CCDC178: variants seen among roughly 807,000 people sequenced by gnomAD.
CCDC178 encodes coiled-coil domain containing 178.
A neutral mutation model predicts 117.4 loss-of-function variants in CCDC178; 126 were observed. The observed-to-expected ratio is 1.07, with a 90% CI of 0.93 to 1.24. The LOEUF (loss-of-function observed/expected upper bound fraction) is 1.24. Among genes scored for constraint, CCDC178 ranks in the 50% most tolerant of loss-of-function variants. CCDC178 has a pLI of 0.00. For synonymous variants in CCDC178, 283 were observed against 313.4 expected, an observed-to-expected ratio of 0.90 and a Z score of 1.02; for missense variants, 1,030 against 986.9, an observed-to-expected ratio of 1.04 and a Z score of -0.59.
intron 15 of CCDC178, among the ~76,000 whole-genome samples, chr18:33,234,666 T>C (rs4405623): frequency 0.16 from 24,449 of 151,958 alleles, 2,745 homozygotes; most frequent in African/African-American, 0.32. Context: ...TTGAGCATAT[T>C]GACAATATGA....
At chr18:33,039,878 C>T (rs1048733447) in intron 21 of CCDC178, among the ~76,000 whole-genome samples, 11 of 151,902 alleles carry the variant, frequency 7.2e-5, no homozygotes, top group African/African-American at 2.4e-4. Context: ...AAGAAAGACA[C>T]TTATTTGCCT....
chr18:33,046,151 G>C (rs998421960), intron 21 of CCDC178, among the ~76,000 whole-genome samples: 3 of 152,170 alleles, frequency 2.0e-5, no homozygotes, highest in African/African-American at 7.2e-5. Flanking sequence ...ATACATTTAA[G>C]AGAAACTGAA....
chr18:33,006,388 A>G (rs2055750417), intron 21 of CCDC178, among the ~76,000 whole-genome samples: 1 of 152,088 alleles, frequency 6.6e-6, no homozygotes, highest in Admixed American at 6.6e-5. Flanking sequence ...TCCCAATTTG[A>G]TAATTTTTTT....
intron 14 of CCDC178, among the ~76,000 whole-genome samples, chr18:33,253,494 T>C (rs1198298109): frequency 4.0e-5 from 6 of 151,676 alleles, no homozygotes; most frequent in South Asian, 4.2e-4. Flanking sequence ...ATGTTTGGAC[T>C]TAAGGAAAAA....
intron 20 of CCDC178, among the ~76,000 whole-genome samples, chr18:33,190,545 G>A (rs779871639): frequency 6.6e-6 from 1 of 152,116 alleles, no homozygotes; most frequent in African/African-American, 2.4e-5. Context: ...AAGTATATGT[G>A]TTTACTGTGA....
intron 20 of CCDC178, among the ~76,000 whole-genome samples, chr18:33,093,185 C>A (rs943856514): frequency 6.6e-6 from 1 of 151,964 alleles, no homozygotes; most frequent in African/African-American, 2.4e-5. Context: ...CTTTTCACTG[C>A]CTTTTTCCTG....
chr18:33,160,427 G>A (rs1042278395), intron 20 of CCDC178, among the ~76,000 whole-genome samples: 1 of 151,976 alleles, frequency 6.6e-6, no homozygotes, highest in African/African-American at 2.4e-5. Flanking sequence ...ACCACTACAA[G>A]TATTATTTAT....
At chr18:33,361,895 G>A (rs1231763436) in intron 6 of CCDC178, among the ~76,000 whole-genome samples, 1 of 151,652 alleles carries the variant, frequency 6.6e-6, no homozygotes, top group African/African-American at 2.4e-5. Context: ...CAGTATGGAG[G>A]TTCCTAAAGA....
intron 21 of CCDC178, among the ~76,000 whole-genome samples, chr18:33,027,476 C>A (rs77710766): frequency 6.6e-6 from 1 of 151,444 alleles, no homozygotes; most frequent in Non-Finnish European, 1.5e-5. Flanking sequence ...AAAAGAAAAA[C>A]TCCCTGCCAC....
chr18:33,010,569 T>G (rs1332277572), intron 21 of CCDC178, among the ~76,000 whole-genome samples: 1 of 152,144 alleles, frequency 6.6e-6, no homozygotes, highest in Non-Finnish European at 1.5e-5. Flanking sequence ...AGGTGGCAAA[T>G]TTTTGGCATG....
chr18:33,118,793 C>A (rs139402750), intron 20 of CCDC178, among the ~76,000 whole-genome samples: 241 of 152,230 alleles, frequency 1.6e-3, no homozygotes, highest in African/African-American at 5.6e-3. Context: ...TCAAACTATA[C>A]TACAAGGCTA....
intron 20 of CCDC178, among the ~76,000 whole-genome samples, chr18:33,168,140 T>G (rs1301257198): frequency 6.6e-6 from 1 of 152,170 alleles, no homozygotes; most frequent in Non-Finnish European, 1.5e-5. Flanking sequence ...GTGGCATCTT[T>G]GTTATGACAT....
At chr18:33,346,186 G>A in intron 9 of CCDC178, 25 bp downstream of exon 9, 1 of 1,524,022 alleles carries the variant, frequency 6.6e-7, no homozygotes, top group South Asian at 1.2e-5. Flanking sequence ...AGAATAAGAA[G>A]TAATATAAAA....
chr18:33,408,809 A>C (rs867902718), intron 3 of CCDC178, among the ~76,000 whole-genome samples: 15 of 152,318 alleles, frequency 9.8e-5, no homozygotes, highest in Middle Eastern at 3.4e-3. Context: ...ATTTTGATAC[A>C]AATAAATGTG....
chr18:33,209,482 A>G lies in CCDC178; in HGVS notation c.2238+2414T>C, dbSNP rs748354613. Among the ~76,000 whole-genome samples the G allele has an allele frequency of 1.6e-4, 24 of 152,186 alleles. No individual in the cohort carries two copies. The East Asian group carries it at 1.7e-3, about 11-fold the overall frequency. ...TTGCCCAAAAGGAACACCTCAGATTAGTAACATTACATTTATAATGATGCC... is the reference window on the plus strand; with the variant it reads ...TTGCCCAAAAGGAACACCTCAGATTGGTAACATTACATTTATAATGATGCC... On this transcript the variant is annotated intron_variant, in intron 20 of 22. Coordinates refer to ENST00000383096, the MANE Select transcript of CCDC178 (RefSeq NM_001105528.4).
chr18:33,162,740 A>C (rs2058481761), intron 20 of CCDC178, among the ~76,000 whole-genome samples: 2 of 152,166 alleles, frequency 1.3e-5, no homozygotes, highest in African/African-American at 4.8e-5. Context: ...AGCTCTGTCC[A>C]TGTTCCCGCA....
intron 17 of CCDC178, among the ~76,000 whole-genome samples, chr18:33,223,672 A>G (rs997008866): frequency 6.6e-6 from 1 of 152,154 alleles, no homozygotes; most frequent in Non-Finnish European, 1.5e-5. Flanking sequence ...ATGTAAAACC[A>G]TGGCTGTTAT....
intron 12 of CCDC178, among the ~76,000 whole-genome samples, chr18:33,278,242 T>C (rs2059975318): frequency 7.8e-6 from 1 of 128,578 alleles, no homozygotes; most frequent in Non-Finnish European, 1.6e-5. Flanking sequence ...TATATATATA[T>C]ATATATATCT....
At chr18:33,259,659 C>CG in intron 14 of CCDC178, among the ~76,000 whole-genome samples, 1 of 152,090 alleles carries the variant, frequency 6.6e-6, no homozygotes, top group South Asian at 2.1e-4. Context: ...CACCCCCCCC[C>CG]ACCAGTCCCT....
Sources: gnomAD v4.1 joint callset for allele counts (sites outside exome capture counted in the v4.1 genomes callset) on GRCh38, gnomAD v4.1.1 for gene constraint, MANE v1.5 for transcripts, NCBI Gene and HGNC (gene_info 2026-07-23, HGNC 2026-07-21) for gene names.